ANGPT4: variants seen among roughly 807,000 people sequenced by gnomAD.
The protein encoded by ANGPT4 is angiopoietin-4.
A neutral mutation model predicts 53.0 loss-of-function variants in ANGPT4; 50 were observed. The observed-to-expected ratio is 0.94, with a 90% CI of 0.75 to 1.20. The LOEUF is 1.20. Ranked by LOEUF, ANGPT4 falls within the 50% of genes most tolerant of loss-of-function variation. The pLI, the probability that ANGPT4 is intolerant of heterozygous loss-of-function variation, is 0.00. For missense variants in ANGPT4, 648 were observed against 637.1 expected (o/e 1.02, Z -0.18); for synonymous variants, 251 against 259.7 (o/e 0.97, Z 0.32).
At chr20:890,571 T>C (rs1039849756) in intron 1 of ANGPT4, among the ~76,000 whole-genome samples, 2 of 152,192 alleles carry the variant, frequency 1.3e-5, no homozygotes, top group African/African-American at 4.8e-5. Flanking sequence ...ATGCCTGTTT[T>C]GTCTGCCTCT....
rs777640954 is a variant in ANGPT4 at position 916,191 on chromosome 20, C to T, written c.24G>A (p.Leu8=). 1 of 1,613,310 alleles carries T rather than the reference C, an allele frequency of 6.2e-7. No homozygotes were observed. The highest frequency in any genetic ancestry group is 1.7e-5 in the Admixed American group (1 of 59,998). The change falls in exon 1 of 9, where the codon CTG becomes CTA. Residue 8 remains leucine, a synonymous_variant. Coordinates refer to ENST00000381922, the MANE Select transcript of ANGPT4 (RefSeq NM_015985.4). Reference sequence around the variant, plus strand: ...CAACCACAAGGAGGAGGCTGCCCTGCAGCATGGCTAGCTGGGAGAGCATCT... The same window carrying T: ...CAACCACAAGGAGGAGGCTGCCCTGTAGCATGGCTAGCTGGGAGAGCATCT... MLSQLAM[L]QGSLLLVVAT...
At chr20:887,931 G>C (rs1271851477) in intron 3 of ANGPT4, among the ~76,000 whole-genome samples, 1 of 151,316 alleles carries the variant, frequency 6.6e-6, no homozygotes, top group African/African-American at 2.5e-5. Context: ...AAAGAATCAG[G>C]GTGTCCTGGG....
At chr20:899,572 G>A (rs778193052) in intron 1 of ANGPT4, among the ~76,000 whole-genome samples, 28 of 151,982 alleles carry the variant, frequency 1.8e-4, no homozygotes, top group Non-Finnish European at 3.7e-4. Flanking sequence ...ATTCTTTTAT[G>A]CACTCTTTTT....
At chr20:884,064 A>G (rs1433064700) in intron 4 of ANGPT4, among the ~76,000 whole-genome samples, 7 of 152,058 alleles carry the variant, frequency 4.6e-5, no homozygotes, top group African/African-American at 1.2e-4. Flanking sequence ...GCCTTCCACT[A>G]TGGATCCAGG....
intron 2 of ANGPT4, among the ~76,000 whole-genome samples, 169 bp downstream of exon 2, chr20:890,040 GGAGA>G (rs781074604): frequency 2.8e-4 from 43 of 152,330 alleles, no homozygotes; most frequent in Non-Finnish European, 5.3e-4. Flanking sequence ...CTCATAGCTT[GGAGA>G]GAGATAGTTT....
intron 4 of ANGPT4, among the ~76,000 whole-genome samples, chr20:884,599 A>G (rs1406709270): frequency 2.0e-5 from 3 of 152,330 alleles, no homozygotes; most frequent in Middle Eastern, 3.4e-3. Flanking sequence ...ATGCCTCTTC[A>G]CTTCTGTTTG....
At chr20:884,960 G>C in intron 4 of ANGPT4, 118 bp downstream of exon 4, 7 of 1,395,218 alleles carry the variant, frequency 5.0e-6, no homozygotes, top group Non-Finnish European at 6.8e-6. Flanking sequence ...CAGATGGTCG[G>C]GGAGGGTGGG....
rs1171076222 is a variant in ANGPT4, at chr20:914,270, A to G, written c.309+1636T>C. ...GTAGGGATAAGTTCTAAGAAAAAAA[A>G]ACACAACAAAGCCAGCAGAGGGACA... is the stretch of plus-strand genomic sequence containing the variant. On this transcript the variant is annotated intron_variant, in intron 1 of 8. Coordinates refer to ENST00000381922, the MANE Select transcript of ANGPT4 (RefSeq NM_015985.4). The surrounding 1 kb of genome is among the most constrained non-coding windows in gnomAD (Gnocchi z 5.0). Among the ~76,000 whole-genome samples the G allele has an allele frequency of 6.6e-6, 1 of 152,090 alleles. No homozygotes were observed. Among genetic ancestry groups the G allele is most frequent in the East Asian group, 1.9e-4 (1 of 5,190 alleles).
chr20:884,802 C>G (rs1454888494), intron 4 of ANGPT4, among the ~76,000 whole-genome samples: 2 of 152,242 alleles, frequency 1.3e-5, no homozygotes, highest in East Asian at 3.9e-4. Flanking sequence ...TGCTGTTGCC[C>G]TCATCCTCGC....
chr20:898,198 C>T (rs1490866086), intron 1 of ANGPT4, among the ~76,000 whole-genome samples: 8 of 152,304 alleles, frequency 5.3e-5, no homozygotes, highest in African/African-American at 9.6e-5. Context: ...CGCTGCTCCT[C>T]GCCAGGCTGA....
At chr20:910,409 T>C (rs1982651639) in intron 1 of ANGPT4, among the ~76,000 whole-genome samples, 1 of 152,168 alleles carries the variant, frequency 6.6e-6, no homozygotes, top group Non-Finnish European at 1.5e-5. Context: ...GAGGAGCCAA[T>C]TGATATATGT....
At chr20:895,485 T>C (rs1042920648) in intron 1 of ANGPT4, among the ~76,000 whole-genome samples, 8 of 152,268 alleles carry the variant, frequency 5.3e-5, no homozygotes, top group Middle Eastern at 3.4e-3. Flanking sequence ...CAGCACACCC[T>C]GCTCCTTGCT....
intron 1 of ANGPT4, among the ~76,000 whole-genome samples, chr20:901,684 G>T (rs1982293749): frequency 6.6e-6 from 1 of 152,212 alleles, no homozygotes; most frequent in Non-Finnish European, 1.5e-5. Flanking sequence ...AGGCCAAGGT[G>T]GGTGGATCGC....
intron 1 of ANGPT4, among the ~76,000 whole-genome samples, chr20:892,144 A>G (rs201233329): frequency 6.7e-6 from 1 of 148,550 alleles, no homozygotes; most frequent in African/African-American, 2.5e-5. Context: ...AACTAACTCC[A>G]CAGCCTCTCT....
At chr20:887,161 A>T (rs903797298) in intron 3 of ANGPT4, among the ~76,000 whole-genome samples, 6 of 152,226 alleles carry the variant, frequency 3.9e-5, no homozygotes, top group African/African-American at 7.2e-5. Context: ...TAAGAAATTG[A>T]GTCCAGCTAG....
At position 908,277 on chromosome 20, in the gene ANGPT4, G is replaced by T. The variant is rs1348347566; in HGVS notation, c.309+7629C>A. 1.3e-5 allele frequency among the ~76,000 whole-genome samples: 2 copies of T among 152,148 alleles called. No individual in the cohort carries two copies. The highest frequency in any genetic ancestry group is 2.9e-5 in the Non-Finnish European group (2 of 68,014). On this transcript the variant is annotated intron_variant, in intron 1 of 8. Coordinates refer to ENST00000381922, the MANE Select transcript of ANGPT4 (RefSeq NM_015985.4). The surrounding 1 kb of genome is among the most constrained non-coding windows in gnomAD (Gnocchi z 4.9). ...TGTCTGGCTCCTGGTGAGCACTCCAGTCTCATCTTGGCCATGCTCTCCTCG... is the reference window on the plus strand; with the variant it reads ...TGTCTGGCTCCTGGTGAGCACTCCATTCTCATCTTGGCCATGCTCTCCTCG...
At chr20:897,022 C>T (rs558169992) in intron 1 of ANGPT4, among the ~76,000 whole-genome samples, 2 of 152,138 alleles carry the variant, frequency 1.3e-5, no homozygotes, top group Non-Finnish European at 2.9e-5. Context: ...CAATAAGTCT[C>T]CGTAGCTCCC....
chr20:907,796 G>A (rs1982533774), intron 1 of ANGPT4, among the ~76,000 whole-genome samples: 1 of 152,132 alleles, frequency 6.6e-6, no homozygotes, highest in Non-Finnish European at 1.5e-5. Flanking sequence ...TCAACTTTGG[G>A]AAAATAGGGC....
intron 6 of ANGPT4, 149 bp from the exon 7 acceptor site, chr20:878,476 T>A: frequency 1.5e-6 from 1 of 672,954 alleles, no homozygotes; most frequent in Non-Finnish European, 2.3e-6. Flanking sequence ...TAGGCAGGAC[T>A]GGGAGTAGGA....
Sources: allele counts gnomAD v4.1 joint callset (sites outside exome capture counted in the v4.1 genomes callset), GRCh38; gene constraint gnomAD v4.1.1; non-coding constraint Gnocchi (gnomAD v3.1); transcripts MANE v1.5; gene names NCBI Gene and HGNC (gene_info 2026-07-23, HGNC 2026-07-21).